Variants in LSM4 observed in about 807,000 individuals in gnomAD.
LSM4 encodes the protein U6 snRNA-associated Sm-like protein LSm4.
LSM4 carries 15 observed loss-of-function variants against 22.3 expected under a neutral mutation model. That is an observed-to-expected ratio of 0.67 (90% CI 0.45 to 1.03). The LOEUF is 1.03. Among genes scored for constraint, LSM4 ranks in the 50% least tolerant of loss-of-function variants. LSM4 has a pLI of 0.00. For missense variants in LSM4, 127 were observed against 198.0 expected, an observed-to-expected ratio of 0.64 and a Z score of 2.15; for synonymous variants, 90 against 79.8, an observed-to-expected ratio of 1.13 and a Z score of -0.68.
At chr19:18,314,560 T>G (rs942767557) in intron 2 of LSM4, among the ~76,000 whole-genome samples, 17 of 151,344 alleles carry the variant, frequency 1.1e-4, no homozygotes, top group African/African-American at 3.6e-4. Context: ...GAGTATCGTC[T>G]GGCTATAAGG....
At chr19:18,319,239 CA>C (rs113147466) in intron 1 of LSM4, among the ~76,000 whole-genome samples, 1 of 143,988 alleles carries the variant, frequency 6.9e-6, no homozygotes, top group Non-Finnish European at 1.5e-5. Context: ...GAGACTGTTT[CA>C]AAAAAAAACA....
intron 1 of LSM4, among the ~76,000 whole-genome samples, chr19:18,317,837 TG>T (rs780257954): frequency 3.3e-4 from 50 of 152,206 alleles, no homozygotes; most frequent in Non-Finnish European, 6.0e-4. Flanking sequence ...GGTTTCAAGA[TG>T]TTTTTTTCCA....
intron 1 of LSM4, among the ~76,000 whole-genome samples, chr19:18,316,843 G>A (rs1387377716): frequency 2.6e-5 from 4 of 152,186 alleles, no homozygotes; most frequent in Admixed American, 2.0e-4. Flanking sequence ...TTGCAGGGCA[G>A]CCCCAACTGG....
intron 3 of LSM4, chr19:18,312,357 T>C (rs902881864): frequency 2.1e-6 from 1 of 469,120 alleles, no homozygotes; most frequent in Non-Finnish European, 3.9e-6. Flanking sequence ...CCTAGGTCCT[T>C]CCAGGTCAGG....
chr19:18,320,732 G>A (rs1362443072), intron 1 of LSM4, among the ~76,000 whole-genome samples: 3 of 151,536 alleles, frequency 2.0e-5, no homozygotes, highest in Admixed American at 6.6e-5. Context: ...AGAGGTGGAG[G>A]TTGCAGTGAG....
chr19:18,312,188 C>T lies in LSM4; in HGVS notation c.144+416G>A, dbSNP rs539348643. The stretch of plus-strand genomic sequence containing the variant: ...CCACCGGGCCCTGGCGCTGCTCCTG[C>T]CCACCGTGACCTGGGCATCCCGGAC... On this transcript the variant is annotated intron_variant, in intron 3 of 4. Transcript: ENST00000593829. 84 of 160,716 alleles carry T rather than the reference C, an allele frequency of 5.2e-4. No individual in the cohort carries two copies. In the South Asian group the frequency reaches 6.5e-3, roughly 13 times the overall value. 10.0% of individuals were successfully genotyped at this position (160,716 alleles called of 1,614,324 possible).
intron 1 of LSM4, among the ~76,000 whole-genome samples, chr19:18,319,650 C>G (rs1970402630): frequency 6.6e-6 from 1 of 152,218 alleles, no homozygotes; most frequent in Admixed American, 6.5e-5. Flanking sequence ...AGAGTCAAGG[C>G]AGACAGGCTC....
At position 18,307,298 on chromosome 19, in the gene LSM4, G is replaced by A. The variant is rs530547130; in HGVS notation, c.*166C>T. The A allele has an allele frequency of 1.9e-5, 9 of 484,834 alleles. No homozygotes were observed. Among genetic ancestry groups the A allele is most frequent in the Middle Eastern group, 1.1e-3 (2 of 1,786 alleles). The allele number at this position is 484,834 out of a possible 1,614,324, so 30.0% of individuals were successfully genotyped here. ...TAACATTTCTAACCGGAGAATTGCC[G>A]GTTTTAGCAAGAAAAAGGGGCTTCA... On this transcript the variant is annotated 3_prime_UTR_variant, in exon 5 of 5. Coordinates refer to ENST00000593829, the MANE Select transcript of LSM4 (RefSeq NM_012321.5).
intron 3 of LSM4, among the ~76,000 whole-genome samples, chr19:18,311,657 C>T (rs1247650697): frequency 6.6e-6 from 1 of 152,142 alleles, no homozygotes; most frequent in Admixed American, 6.5e-5. Flanking sequence ...CAGACTGGAC[C>T]CACCCAGACG....
chr19:18,321,682 G>C (rs748624645), intron 1 of LSM4, among the ~76,000 whole-genome samples: 3 of 152,060 alleles, frequency 2.0e-5, no homozygotes, highest in Non-Finnish European at 4.4e-5. Context: ...TTGCTCCTTG[G>C]GATAACATCA....
Position 18,309,703 on chromosome 19 carries a change from G to C in LSM4, c.303C>G (p.Gly101=). Residue 101 remains glycine, a synonymous_variant, in exon 4 of 5, where the codon GGC becomes GGG. Coordinates refer to ENST00000593829, the MANE Select transcript of LSM4 (RefSeq NM_012321.5). The stretch of plus-strand genomic sequence containing the variant: ...CTCGGCCAGCGCCGCCCATGCCGCG[G>C]CCTTTCTGCTGCTTCTGCTGCTGCA... ...GGLQQQKQQK[G]RGMGGAGRGV... is the part of the protein sequence containing the mutation. 2 of 1,609,768 alleles carry C rather than the reference G, an allele frequency of 1.2e-6. No homozygotes were observed. The highest frequency in any genetic ancestry group is 2.2e-5 in the South Asian group (2 of 90,844).
At chr19:18,318,353 G>A (rs73925443) in intron 1 of LSM4, among the ~76,000 whole-genome samples, 8,452 of 152,294 alleles carry the variant, frequency 0.055, 283 homozygotes, top group Non-Finnish European at 0.066. Context: ...GTGCCAGCAG[G>A]AAGCCAGGCC....
chr19:18,318,867 C>T (rs548678281), intron 1 of LSM4, among the ~76,000 whole-genome samples: 1 of 152,372 alleles, frequency 6.6e-6, no homozygotes, highest in East Asian at 1.9e-4. Flanking sequence ...ACCAATAGCA[C>T]AGCCTGGGAG....
chr19:18,319,228 C>T (rs896126348), intron 1 of LSM4, among the ~76,000 whole-genome samples: 30 of 141,916 alleles, frequency 2.1e-4, no homozygotes, highest in African/African-American at 7.9e-5. Flanking sequence ...GGCAACAGAG[C>T]GAGACTGTTT....
intron 3 of LSM4, among the ~76,000 whole-genome samples, chr19:18,310,470 A>AAC (rs1438976345): frequency 1.3e-5 from 2 of 152,156 alleles, no homozygotes; most frequent in Non-Finnish European, 2.9e-5. Context: ...AGGGTGGCTC[A>AAC]AGGGCGGCTC....
chr19:18,308,081 A>G (rs1042972610), intron 4 of LSM4, among the ~76,000 whole-genome samples: 1 of 152,204 alleles, frequency 6.6e-6, no homozygotes, highest in Non-Finnish European at 1.5e-5. Flanking sequence ...AGCAGGCCTG[A>G]GGCCAGAGAT....
At chr19:18,322,365 T>C (rs1035365) in intron 1 of LSM4, among the ~76,000 whole-genome samples, 13,864 of 152,212 alleles carry the variant, frequency 0.091, 755 homozygotes, top group African/African-American at 0.13. Flanking sequence ...TCCAGAATCA[T>C]AAACAATGGG....
At chr19:18,316,669 A>C (rs1364684532) in intron 1 of LSM4, among the ~76,000 whole-genome samples, 1 of 152,074 alleles carries the variant, frequency 6.6e-6, no homozygotes, top group Admixed American at 6.6e-5. Flanking sequence ...TTTTAAGCTC[A>C]AACTGGTATC....
chr19:18,320,184 T>C (rs1273811989), intron 1 of LSM4, among the ~76,000 whole-genome samples: 1 of 152,126 alleles, frequency 6.6e-6, no homozygotes, highest in African/African-American at 2.4e-5. Context: ...AAGGGGTGGA[T>C]CCTCAAAATC....
Sources: gnomAD v4.1 joint callset for allele counts (sites outside exome capture counted in the v4.1 genomes callset) on GRCh38, gnomAD v4.1.1 for gene constraint, MANE v1.5 for transcripts, NCBI Gene and HGNC (gene_info 2026-07-23, HGNC 2026-07-21) for gene names.